WDR47: variants seen among roughly 807,000 people sequenced by gnomAD.
The protein encoded by WDR47 is WD repeat-containing protein 47.
In WDR47, 32 loss-of-function variants were observed where a neutral mutation model predicts 97.2. That is an observed-to-expected ratio of 0.33 (90% CI 0.25 to 0.44). WDR47 has a LOEUF of 0.44. WDR47 is among the 20% of genes least tolerant of loss of function. WDR47 has a pLI of 1.00. For synonymous variants in WDR47, 375 were observed against 373.5 expected (o/e 1.00, Z -0.05); for missense variants, 782 against 1,102.3 (o/e 0.71, Z 4.11).
intron 1 of WDR47, chr1:109,030,441 C>A (rs1418253993): frequency 3.0e-6 from 1 of 328,762 alleles, no homozygotes; most frequent in Non-Finnish European, 5.3e-6. Flanking sequence ...TACTTAAACA[C>A]ACATTATGAA....
chr1:109,025,936 G>C (rs939250873), intron 1 of WDR47, among the ~76,000 whole-genome samples: 4 of 152,020 alleles, frequency 2.6e-5, no homozygotes, highest in Non-Finnish European at 5.9e-5. Context: ...ACCCAACTCC[G>C]CATGCTTTAG....
chr1:108,980,874 TC>T (rs1658285189), intron 13 of WDR47, among the ~76,000 whole-genome samples: 1 of 152,012 alleles, frequency 6.6e-6, no homozygotes, highest in African/African-American at 2.4e-5. Context: ...ATGCCTGTAA[TC>T]CCAGCACTGT....
intron 2 of WDR47, among the ~76,000 whole-genome samples, chr1:109,019,075 C>CA (rs1048677160): frequency 2.7e-5 from 4 of 149,850 alleles, no homozygotes; most frequent in East Asian, 3.9e-4. Flanking sequence ...GACCCTGTTT[C>CA]AAAAAAAAAG....
At chr1:109,024,276 AC>A (rs1387460607) in intron 1 of WDR47, among the ~76,000 whole-genome samples, 1 of 152,092 alleles carries the variant, frequency 6.6e-6, no homozygotes, top group African/African-American at 2.4e-5. Flanking sequence ...CCATGGCAAA[AC>A]CACATCTGTA....
At chr1:109,012,017 C>T (rs933368825) in intron 4 of WDR47, among the ~76,000 whole-genome samples, 2 of 152,122 alleles carry the variant, frequency 1.3e-5, no homozygotes, top group African/African-American at 4.8e-5. Flanking sequence ...TTCATACACA[C>T]AAATATAGTG....
At chr1:108,989,920 T>G (rs985664915) in intron 9 of WDR47, among the ~76,000 whole-genome samples, 2 of 152,132 alleles carry the variant, frequency 1.3e-5, no homozygotes, top group African/African-American at 4.8e-5. Context: ...GGTCTCAAAC[T>G]CCTGACCTCA....
chr1:108,972,298 C>CCA (rs1657508355), intron 14 of WDR47, among the ~76,000 whole-genome samples: 1 of 152,056 alleles, frequency 6.6e-6, no homozygotes, highest in Non-Finnish European at 1.5e-5. Flanking sequence ...CTCCACCACC[C>CCA]TAGTCCAAGC....
intron 1 of WDR47, among the ~76,000 whole-genome samples, chr1:109,029,673 AAATAAATAAATAAAT>A (rs1557963150): frequency 6.4e-5 from 5 of 78,224 alleles, no homozygotes; most frequent in Non-Finnish European, 7.5e-5. Context: ...CTCTGTCTCT[AAATAAATAAATAAAT>A]AAATAAATAA....
intron 1 of WDR47, chr1:109,041,658 C>T (rs1663373137): frequency 6.6e-6 from 1 of 152,474 alleles, no homozygotes; most frequent in African/African-American, 2.4e-5. Flanking sequence ...CCTCACCCCG[C>T]GATGCTGGGG....
At chr1:109,004,497 C>T (rs1660440265) in intron 6 of WDR47, 95 bp downstream of exon 6, 1 of 1,398,920 alleles carries the variant, frequency 7.1e-7, no homozygotes, top group Non-Finnish European at 9.5e-7. Flanking sequence ...TTCCTACTCC[C>T]AAATATCAGA....
chr1:109,000,972 AAT>A (rs1660139073), intron 7 of WDR47, among the ~76,000 whole-genome samples: 2 of 152,128 alleles, frequency 1.3e-5, no homozygotes, highest in Admixed American at 1.3e-4. Flanking sequence ...TGCTTATTTA[AAT>A]ATATATTATT....
chr1:108,979,825 C>T (rs1388449650), intron 13 of WDR47, among the ~76,000 whole-genome samples: 2 of 152,112 alleles, frequency 1.3e-5, no homozygotes, highest in African/African-American at 4.8e-5. Flanking sequence ...TCTTAATAAG[C>T]CTTATTGAAT....
chr1:109,024,573 T>C (rs1386691570), intron 1 of WDR47, among the ~76,000 whole-genome samples: 1 of 152,236 alleles, frequency 6.6e-6, no homozygotes, highest in Non-Finnish European at 1.5e-5. Context: ...GAGCACATAA[T>C]GCTCAGGTTA....
At chr1:109,029,431 T>C (rs1459758305) in intron 1 of WDR47, among the ~76,000 whole-genome samples, 1 of 151,748 alleles carries the variant, frequency 6.6e-6, no homozygotes, top group Non-Finnish European at 1.5e-5. Context: ...AGGCTGAGGC[T>C]GGTGGATAAC....
At chr1:109,029,978 A>G (rs992420629) in intron 1 of WDR47, 7 of 388,454 alleles carry the variant, frequency 1.8e-5, no homozygotes, top group Non-Finnish European at 2.7e-5. Context: ...ATGAAAAAAT[A>G]TCACTGGTAG....
Position 108,971,415 on chromosome 1 carries a change from G to T in WDR47, c.*15C>A, listed in dbSNP as rs1352353356. 1.2e-6 allele frequency: 2 copies of T among 1,613,900 alleles called. No individual in the cohort carries two copies. Among genetic ancestry groups the T allele is most frequent in the Non-Finnish European group, 8.5e-7 (1 of 1,179,906 alleles). On this transcript the variant is annotated 3_prime_UTR_variant, in exon 15 of 15. Coordinates refer to ENST00000369962, the MANE Select transcript of WDR47 (RefSeq NM_001142551.2). ...TCTCTGTGCTTTTGCTGCATAGACT[G>T]ACATGCGGTGTGCTCTACCCATTGT...
chr1:109,019,209 A>C (rs35667710), intron 2 of WDR47, among the ~76,000 whole-genome samples: 16,202 of 151,696 alleles, frequency 0.11, 998 homozygotes, highest in African/African-American at 0.16. Context: ...ATGGCGAAAC[A>C]CCATCTCTAC....
In WDR47 at chr1:108,974,393, C is replaced by T. The variant is rs1427859847; in HGVS notation, c.2617+143G>A. On this transcript the variant is annotated intron_variant, in intron 14 of 14. Transcript: ENST00000369962. ...TATTTAATAATTTGCTATTATATAT[C>T]TTAATATAGTCTCAGAATCTGCTCA... 1.1e-5 allele frequency: 7 copies of T among 665,496 alleles called. No individual in the cohort carries two copies. The Admixed American group carries it at 1.8e-4, about 17-fold the overall frequency. The allele number at this position is 665,496 out of a possible 1,614,324, so 41.2% of individuals were successfully genotyped here.
At chr1:109,004,459 T>TA in intron 6 of WDR47, 133 bp downstream of exon 6, 1 of 1,123,706 alleles carries the variant, frequency 8.9e-7, no homozygotes, top group South Asian at 2.1e-5. Context: ...GAAAATAAGC[T>TA]AATAATAAGA....
Sources: allele counts gnomAD v4.1 joint callset (sites outside exome capture counted in the v4.1 genomes callset), GRCh38; gene constraint gnomAD v4.1.1; transcripts MANE v1.5; gene names NCBI Gene and HGNC (gene_info 2026-07-23, HGNC 2026-07-21).